Variants in CEP170B observed in about 807,000 individuals in gnomAD.
CEP170B encodes the protein centrosomal protein of 170 kDa protein B.
A neutral mutation model predicts 120.6 loss-of-function variants in CEP170B; 55 were observed. That is an observed-to-expected ratio of 0.46 (90% CI 0.37 to 0.57). The LOEUF is 0.57. Ranked by LOEUF, CEP170B falls within the 20% of genes least tolerant of loss-of-function variation. The pLI is 0.00. For synonymous variants in CEP170B, 1,033 were observed against 954.5 expected (o/e 1.08, Z -1.52); for missense variants, 2,212 against 2,253.3 (o/e 0.98, Z 0.37).
intron 2 of CEP170B, among the ~76,000 whole-genome samples, chr14:104,873,247 G>T (rs995692509): frequency 6.6e-6 from 1 of 151,250 alleles, no homozygotes; most frequent in African/African-American, 2.4e-5. Flanking sequence ...ACAGGGTCCT[G>T]CGGGGGGACT....
chr14:104,892,929 C>T, intron 13 of CEP170B, 47 bp from the exon 14 acceptor site: 1 of 1,546,358 alleles, frequency 6.5e-7, no homozygotes, highest in East Asian at 2.4e-5. Flanking sequence ...CCCCTGCTGC[C>T]CCGACTTCCT....
chr14:104,885,665 C>G lies in CEP170B; in HGVS notation c.1944+123C>G, dbSNP rs1032084970. On this transcript the variant is annotated intron_variant, in intron 10 of 18. Transcript: ENST00000414716. ...TGGACTTTCCTCTGAGGGACACGCT[C>G]AGAGGAGGGTGGGCTGGGGCTTCCA... is the stretch of plus-strand genomic sequence containing the variant. 5 of 1,316,136 alleles carry G rather than the reference C, an allele frequency of 3.8e-6. No homozygotes were observed. In the African/African-American group the frequency reaches 4.5e-5, roughly 12 times the overall value. 81.5% of individuals were successfully genotyped at this position (1,316,136 alleles called of 1,614,324 possible). A position where few individuals can be genotyped will look rare whatever the true frequency, so the allele number is the denominator to read the frequency against.
In CEP170B at chr14:104,882,782, A is replaced by T. The variant is rs1467709060; in HGVS notation, c.527A>T (p.Asp176Val). 1 of 1,612,092 alleles carries T rather than the reference A, an allele frequency of 6.2e-7. No homozygotes were observed. The highest frequency in any genetic ancestry group is 1.3e-5 in the African/African-American group (1 of 74,852). Residue 176 changes from aspartate (D) to valine (V), a missense_variant, in exon 7 of 19, where the codon GAC (aspartate) becomes GTC (valine). Asp to Val is a radical substitution (Grantham distance 152, BLOSUM62 -3). This residue lies in a region of CEP170B where 2,166 missense variants were observed against 2,166.7 expected (regional missense o/e 1.00). Coordinates refer to ENST00000414716, the MANE Select transcript of CEP170B (RefSeq NM_001112726.3). Reference sequence around the variant, plus strand: ...GGGCAGCCCTCCTGGTGGGGTGAGGACGATGGTAGCACGCTGCCTGACGCC... The same window carrying T: ...GGGCAGCCCTCCTGGTGGGGTGAGGTCGATGGTAGCACGCTGCCTGACGCC... ...LYGQPSWWGEDDGSTLPDAQR... is the reference protein window; with the variant it reads ...LYGQPSWWGEVDGSTLPDAQR...
In CEP170B at chr14:104,889,629, C is replaced by T; in HGVS notation, c.3749C>T (p.Thr1250Ile). 2 of 1,611,472 alleles carry T rather than the reference C, an allele frequency of 1.2e-6. No individual in the cohort carries two copies. The highest frequency in any genetic ancestry group is 1.3e-5 in the African/African-American group (1 of 75,050). ...TCCCACACCTCAACAGCCACTCAGACCCCGAGGGCTGGCAGCTCCAGCCGG... is the reference window on the plus strand; with the variant it reads ...TCCCACACCTCAACAGCCACTCAGATCCCGAGGGCTGGCAGCTCCAGCCGG... ...GSARYTSTTQ[T>I]PRAGSSSRAR... is the part of the protein sequence containing the mutation. The change falls in exon 13 of 19, where the codon ACC becomes ATC. Residue 1250 changes from threonine (T) to isoleucine (I), a missense_variant. Thr to Ile is a moderately conservative substitution (Grantham distance 89). This residue lies in a region of CEP170B where 2,166 missense variants were observed against 2,166.7 expected (regional missense o/e 1.00). Transcript: ENST00000414716.
chr14:104,874,306 C>T (rs2841231), intron 2 of CEP170B, among the ~76,000 whole-genome samples: 93,758 of 152,114 alleles, frequency 0.62, 29,456 homozygotes, highest in Middle Eastern at 0.79. Flanking sequence ...CCAGGAGCCA[C>T]GTAGCTGTGG....
At chr14:104,871,077 T>C (rs1595308532) in intron 2 of CEP170B, among the ~76,000 whole-genome samples, 1 of 133,810 alleles carries the variant, frequency 7.5e-6, no homozygotes, top group Admixed American at 7.7e-5. Flanking sequence ...CTGCCGCCCC[T>C]CCCTGCAGCA....
chr14:104,883,116 G>C lies in CEP170B; in HGVS notation c.659G>C (p.Arg220Pro). The C allele has an allele frequency of 6.3e-7, 1 of 1,592,964 alleles. No homozygotes were observed. Among genetic ancestry groups the C allele is most frequent in the Non-Finnish European group, 8.5e-7 (1 of 1,172,588 alleles). Residue 220 changes from arginine to proline, a missense_variant, in exon 8 of 19, where the codon CGG becomes CCG. This residue lies in a region of CEP170B where 2,166 missense variants were observed against 2,166.7 expected (regional missense o/e 1.00). Transcript: ENST00000414716. The stretch of plus-strand genomic sequence containing the variant: ...GCTGAGCCTCAGGGCTGCTCGTTCC[G>C]GCGGGAGCCCAGCTACTTCGAGATC... ...APAEPQGCSF[R>P]REPSYFEIPT...
intron 2 of CEP170B, among the ~76,000 whole-genome samples, chr14:104,872,133 GCGTGTGTGTGC>G (rs1309550587): frequency 1.3e-4 from 20 of 151,458 alleles, no homozygotes; most frequent in African/African-American, 1.7e-4. Context: ...TCGTGTGTGT[GCGTGTGTGTGC>G]CGTGTGTGTG....
chr14:104,894,272 C>A lies in CEP170B; in HGVS notation c.4272-13C>A. 6.2e-7 allele frequency: 1 copy of A among 1,605,424 alleles called. No individual in the cohort carries two copies. The highest frequency in any genetic ancestry group is 1.1e-5 in the South Asian group (1 of 90,950). ...CTTGTCCCCCCATTTCTGCCTCCCC[C>A]TACCTCGGACAGGATCCTCTTTCAG... On this transcript the variant is annotated splice_polypyrimidine_tract_variant and intron_variant, in intron 16 of 18. Coordinates refer to ENST00000414716, the MANE Select transcript of CEP170B (RefSeq NM_001112726.3).
chr14:104,887,074 G>A lies in CEP170B; in HGVS notation c.2835G>A (p.Pro945=), dbSNP rs199921376. The A allele has an allele frequency of 3.7e-5, 60 of 1,611,410 alleles. 1 individual carries two copies. Among genetic ancestry groups the A allele is most frequent in the Middle Eastern group, 3.3e-4 (2 of 6,062 alleles). ...GTGAGGGGGGCAGCACCCCGAGGCC[G>A]CCGGAGGACGCCCTGTCTGGGGACT... ...AECEGGSTPR[P]PEDALSGDSD... is the part of the protein sequence containing the mutation. Residue 945 remains proline, a synonymous_variant, in exon 12 of 19, where the codon CCG becomes CCA. Transcript: ENST00000414716.
chr14:104,889,213 C>T (rs982197806), intron 12 of CEP170B, among the ~76,000 whole-genome samples: 9 of 152,210 alleles, frequency 5.9e-5, no homozygotes, highest in Admixed American at 5.2e-4. Flanking sequence ...CACTGCTTTC[C>T]CACCACCTGT....
intron 4 of CEP170B, 55 bp downstream of exon 4, chr14:104,878,018 A>AGCATCCCTCCTCCTGGGCTTCTTCT: frequency 7.3e-7 from 1 of 1,374,720 alleles, no homozygotes; most frequent in Non-Finnish European, 1.0e-6. Flanking sequence ...CCCCAGGACC[A>AGCATCCCTCCTCCTGGGCTTCTTCT]CAGTCACCCT....
In CEP170B at chr14:104,894,238, A is replaced by G. The variant is rs367915193; in HGVS notation, c.4272-47A>G. The G allele has an allele frequency of 5.6e-6, 8 of 1,418,786 alleles. No homozygotes were observed. The African/African-American group carries it at 7.0e-5, about 12-fold the overall frequency. The allele number at this position is 1,418,786 out of a possible 1,614,324, so 87.9% of individuals were successfully genotyped here. ...GGGAGAATTGTGCCTCAGCTCTGTC[A>G]TCTCTGTCCTTGTCCCCCCATTTCT... On this transcript the variant is annotated intron_variant, in intron 16 of 18. Coordinates refer to ENST00000414716, the MANE Select transcript of CEP170B (RefSeq NM_001112726.3).
upstream of CEP170B, chr14:104,865,180 C>G (rs1343242048): frequency 1.1e-5 from 1 of 95,074 alleles, no homozygotes; most frequent in South Asian, 3.1e-4. The surrounding 1 kb of genome is among the most constrained non-coding windows in gnomAD (Gnocchi z 6.7). Context: ...GGCGGGGCGG[C>G]GCGGGGTGCG....
intron 2 of CEP170B, among the ~76,000 whole-genome samples, chr14:104,873,798 C>T (rs1022171369): frequency 6.6e-6 from 1 of 152,142 alleles, no homozygotes; most frequent in African/African-American, 2.4e-5. Context: ...TCCTTCATGC[C>T]CCTGCTGGAC....
At chr14:104,877,545 G>T (rs1053249336) in intron 3 of CEP170B, among the ~76,000 whole-genome samples, 1 of 152,228 alleles carries the variant, frequency 6.6e-6, no homozygotes, top group African/African-American at 2.4e-5. Flanking sequence ...CAAGGTGGGG[G>T]CTGGGGCCAG....
In CEP170B at chr14:104,885,517, G is replaced by A. The variant is rs1485430573; in HGVS notation, c.1919G>A (p.Gly640Asp). The A allele has an allele frequency of 1.9e-6, 3 of 1,566,414 alleles. No homozygotes were observed. Among genetic ancestry groups the A allele is most frequent in the East Asian group, 2.4e-5 (1 of 42,542 alleles). Reference sequence around the variant, plus strand: ...CAGGAGTTTGCCTCCCGGCCACTGGGTGCGGCCCCCCAGGCGGAGCACCAG... The same window carrying A: ...CAGGAGTTTGCCTCCCGGCCACTGGATGCGGCCCCCCAGGCGGAGCACCAG... ...LLQEFASRPL[G>D]AAPQAEHQGL... The change falls in exon 10 of 19, where the codon GGT (glycine) becomes GAT (aspartate). Residue 640 changes from glycine to aspartate, a missense_variant. Physicochemically the swap from Gly to Asp is moderately conservative, Grantham distance 94. This residue lies in a region of CEP170B where 2,166 missense variants were observed against 2,166.7 expected (regional missense o/e 1.00). Transcript: ENST00000414716.
chr14:104,883,711 G>GC, intron 8 of CEP170B, 120 bp from the exon 9 acceptor site: 1 of 1,133,880 alleles, frequency 8.8e-7, no homozygotes, highest in Non-Finnish European at 1.2e-6. Flanking sequence ...GTGTGGGGGG[G>GC]CCCTGAGGGC....
intron 10 of CEP170B, among the ~76,000 whole-genome samples, 160 bp downstream of exon 10, chr14:104,885,702 C>G (rs922976500): frequency 6.6e-6 from 1 of 152,124 alleles, no homozygotes; most frequent in Admixed American, 6.5e-5. Flanking sequence ...GAGGAGGGAT[C>G]GGGGCCAGGT....
Sources: gnomAD v4.1 joint callset for allele counts (sites outside exome capture counted in the v4.1 genomes callset) on GRCh38, gnomAD v4.1.1 for gene constraint, gnomAD v4.1.1 regional missense constraint, Gnocchi (gnomAD v3.1) non-coding constraint, MANE v1.5 for transcripts, NCBI Gene and HGNC (gene_info 2026-07-23, HGNC 2026-07-21) for gene names.